Variants in ACAT1 observed in about 807,000 individuals in gnomAD.
ACAT1 encodes the protein acetyl-CoA acetyltransferase, mitochondrial.
In ACAT1, 28 loss-of-function variants were observed where a neutral mutation model predicts 47.3. The ratio of observed to expected loss-of-function variants is 0.59; its 90% CI spans 0.44 to 0.81. The LOEUF is 0.81. Ranked by LOEUF, ACAT1 falls within the 30% of genes least tolerant of loss-of-function variation. The pLI, the probability that ACAT1 is intolerant of heterozygous loss-of-function variation, is 0.00. For missense variants in ACAT1, 469 were observed against 524.3 expected (o/e 0.89, Z 1.03); for synonymous variants, 181 against 173.6 (o/e 1.04, Z -0.34).
At chr11:108,122,319 G>T (rs986294456) in intron 1 of ACAT1, among the ~76,000 whole-genome samples, 4 of 152,380 alleles carry the variant, frequency 2.6e-5, no homozygotes, top group Admixed American at 6.5e-5. Context: ...AGCAGGGGCA[G>T]AGTCTCAAAG....
At chr11:108,128,378 G>A (rs2077291090) in intron 1 of ACAT1, among the ~76,000 whole-genome samples, 1 of 152,212 alleles carries the variant, frequency 6.6e-6, no homozygotes, top group Non-Finnish European at 1.5e-5. Flanking sequence ...ATCACCTGAG[G>A]TCAGGAGTTC....
At chr11:108,145,567 A>G (rs2077687598) in intron 10 of ACAT1, among the ~76,000 whole-genome samples, 1 of 152,010 alleles carries the variant, frequency 6.6e-6, no homozygotes, top group Admixed American at 6.6e-5. Context: ...AGAATATAGA[A>G]CCAAGCAACA....
At chr11:108,139,931 A>G (rs965323992) in intron 6 of ACAT1, 134 bp from the exon 7 acceptor site, 2 of 1,120,590 alleles carry the variant, frequency 1.8e-6, no homozygotes, top group African/African-American at 1.6e-5. Context: ...GATTACAGGC[A>G]TGAGCCACCA....
chr11:108,117,533 T>G (rs1864976543), upstream of ACAT1, among the ~76,000 whole-genome samples: 1 of 152,046 alleles, frequency 6.6e-6, no homozygotes, highest in African/African-American at 2.4e-5. Context: ...GGTCTGGAAC[T>G]CCTGACCTCA....
intron 7 of ACAT1, 140 bp from the exon 8 acceptor site, chr11:108,141,465 T>C (rs146837718): frequency 1.2e-5 from 8 of 653,500 alleles, no homozygotes; most frequent in Middle Eastern, 2.5e-4. Flanking sequence ...TAACAGATTC[T>C]AGATGAGTGT....
upstream of ACAT1, among the ~76,000 whole-genome samples, chr11:108,119,491 C>T (rs1323323022): frequency 1.3e-5 from 2 of 152,208 alleles, no homozygotes; most frequent in African/African-American, 4.8e-5. Flanking sequence ...GCGTGAGCGA[C>T]CACGCCCAGC....
intron 1 of ACAT1, chr11:108,121,901 C>A: frequency 1.7e-6 from 1 of 591,864 alleles, no homozygotes; most frequent in Non-Finnish European, 3.0e-6. Context: ...AAGGTCTCGG[C>A]GTAATCATCT....
intron 1 of ACAT1, among the ~76,000 whole-genome samples, chr11:108,130,942 G>GT (rs1424547655): frequency 1.3e-5 from 2 of 151,970 alleles, no homozygotes; most frequent in African/African-American, 4.8e-5. Flanking sequence ...TAGAGACGGG[G>GT]TTTTTTCGCC....
upstream of ACAT1, among the ~76,000 whole-genome samples, chr11:108,119,985 TGGGGGCGG>T (rs2077121273): frequency 1.3e-5 from 2 of 151,992 alleles, no homozygotes; most frequent in African/African-American, 4.8e-5. Context: ...GGAGGCCTAG[TGGGGGCGG>T]ATTGCGTGAG....
chr11:108,142,175 A>C (rs963074658), intron 8 of ACAT1, among the ~76,000 whole-genome samples: 2 of 152,236 alleles, frequency 1.3e-5, no homozygotes, highest in Non-Finnish European at 2.9e-5. Context: ...CCTATGTTTC[A>C]AGAGTTGTAG....
intron 5 of ACAT1, among the ~76,000 whole-genome samples, chr11:108,138,484 C>T (rs145904821): frequency 0.031 from 4,694 of 152,010 alleles, 118 homozygotes; most frequent in Non-Finnish European, 0.051. Flanking sequence ...GCAACCTCTG[C>T]CTCCCAGGTT....
chr11:108,145,434 T>C (rs1206119671), intron 10 of ACAT1, among the ~76,000 whole-genome samples: 2 of 152,052 alleles, frequency 1.3e-5, no homozygotes, highest in African/African-American at 4.8e-5. Context: ...TCCCAGCGCT[T>C]TGGGAGGCAG....
intron 10 of ACAT1, among the ~76,000 whole-genome samples, chr11:108,144,706 GA>G (rs5794589): frequency 1 from 150,606 of 151,042 alleles, 75,086 homozygotes; most frequent in Middle Eastern, 1. Context: ...CCCCCGCAAT[GA>G]AAAAAAAAAC....
intron 5 of ACAT1, chr11:108,136,050 A>G (rs1040373244): frequency 1.5e-6 from 1 of 652,018 alleles, no homozygotes; most frequent in South Asian, 1.8e-5. Context: ...TTGCTGATCT[A>G]TATCTTGTCT....
intron 1 of ACAT1, among the ~76,000 whole-genome samples, chr11:108,126,791 CTTTTTT>C (rs766192283): frequency 8.7e-6 from 1 of 114,564 alleles, no homozygotes; most frequent in Admixed American, 1.0e-4. Flanking sequence ...AACAGGTTTT[CTTTTTT>C]TTTTTTTTTT....
At chr11:108,140,427 T>A (rs2077562392) in intron 7 of ACAT1, among the ~76,000 whole-genome samples, 1 of 152,240 alleles carries the variant, frequency 6.6e-6, no homozygotes, top group Non-Finnish European at 1.5e-5. Flanking sequence ...TACTTTAAAT[T>A]TGAGAAATTT....
At chr11:108,138,833 A>G in intron 5 of ACAT1, 65 bp from the exon 6 acceptor site, 1 of 1,571,248 alleles carries the variant, frequency 6.4e-7, no homozygotes, top group Admixed American at 1.7e-5. Flanking sequence ...GTAGCTGTAT[A>G]AAGGGTGTCA....
In ACAT1 at chr11:108,142,570, C is replaced by T. The variant is rs771238801; in HGVS notation, c.940+20C>T. ...TAGTAGGTAAGGCCAGGCGAGGTGG[C>T]TCACACCTGTAATCCCAGCACTTTC... On this transcript the variant is annotated intron_variant, in intron 9 of 11. Transcript: ENST00000265838. 1.9e-6 allele frequency: 3 copies of T among 1,586,096 alleles called. No individual in the cohort carries two copies. Among genetic ancestry groups the T allele is most frequent in the African/African-American group, 2.7e-5 (2 of 74,314 alleles).
chr11:108,129,294 A>C (rs2077311629), intron 1 of ACAT1: 1 of 152,132 alleles, frequency 6.6e-6, no homozygotes, highest in Non-Finnish European at 1.5e-5. Context: ...ATTGATGGGC[A>C]TTTGGGCTGG....
Sources: gnomAD v4.1 joint callset for allele counts (sites outside exome capture counted in the v4.1 genomes callset) on GRCh38, gnomAD v4.1.1 for gene constraint, MANE v1.5 for transcripts, NCBI Gene and HGNC (gene_info 2026-07-23, HGNC 2026-07-21) for gene names.